Variants in PHIP observed in about 807,000 individuals in gnomAD.
PHIP encodes PHIP subunit of CUL4-Ring ligase complex.
In PHIP, 54 loss-of-function variants were observed where a neutral mutation model predicts 236.8. That is an observed-to-expected ratio of 0.23 (90% CI 0.18 to 0.29). The LOEUF is 0.29. Ranked by LOEUF, PHIP falls within the 10% of genes least tolerant of loss-of-function variation. The probability of loss-of-function intolerance (pLI) is 1.00; values close to 1 mark genes in which losing one functional copy is unlikely to be tolerated. For missense variants in PHIP, 1,370 were observed against 2,190.8 expected (o/e 0.63, Z 7.48); for synonymous variants, 756 against 718.9 (o/e 1.05, Z -0.83).
intron 6 of PHIP, among the ~76,000 whole-genome samples, chr6:79,054,338 A>G (rs1459782185): frequency 8.0e-6 from 1 of 125,464 alleles, no homozygotes; most frequent in Non-Finnish European, 1.8e-5. Flanking sequence ...AACAATCATT[A>G]AACCAAAAAA....
intron 7 of PHIP, among the ~76,000 whole-genome samples, chr6:79,036,731 C>T (rs753052216): frequency 6.6e-6 from 1 of 151,848 alleles, no homozygotes; most frequent in Non-Finnish European, 1.5e-5. Context: ...ACCATCCTGG[C>T]TAACATGGTG....
rs375548485 is a variant in PHIP, at chr6:79,056,477, A to G, written c.439+4001T>C. Among the ~76,000 whole-genome samples the G allele has an allele frequency of 3.9e-5, 6 of 152,260 alleles. No individual in the cohort carries two copies. The East Asian group carries it at 1.2e-3, about 29-fold the overall frequency. On this transcript the variant is annotated intron_variant, in intron 6 of 39. Coordinates refer to ENST00000275034, the MANE Select transcript of PHIP (RefSeq NM_017934.7). Reference sequence around the variant, plus strand: ...TCATTCAGTCACTCTCAATGGGGGAAAGGAGGAGGCATGACATGGTAATAT... The same window carrying G: ...TCATTCAGTCACTCTCAATGGGGGAGAGGAGGAGGCATGACATGGTAATAT...
Position 78,958,575 on chromosome 6 carries a change from C to T in PHIP, c.3682G>A (p.Val1228Ile). ...CGTGTATTATGCTCTATATATCGAA[C>T]TTCCCACATTAGGGAAGAAACCCGC... ...YRRVSSLMWE[V>I]RYIEHNTRTF... The change falls in exon 32 of 40, where the codon GTT becomes ATT. Residue 1228 changes from valine to isoleucine, a missense_variant. Physicochemically the swap from Val to Ile is conservative, Grantham distance 29 (BLOSUM62 3). Coordinates refer to ENST00000275034, the MANE Select transcript of PHIP (RefSeq NM_017934.7). The T allele has an allele frequency of 6.3e-7, 1 of 1,581,358 alleles. No homozygotes were observed. Among genetic ancestry groups the T allele is most frequent in the Non-Finnish European group, 8.7e-7 (1 of 1,153,136 alleles).
chr6:78,997,591 A>C lies in PHIP; in HGVS notation c.2024T>G (p.Ile675Arg). The stretch of plus-strand genomic sequence containing the variant: ...TGAATGAACCTCTGAGGTAGAACTT[A>C]TGGAGCCTAAGTGAAAAAGTTACTA... The part of the protein sequence containing the change: ...SNTSRLSRGS[I>R]SSTSEVHSPP... Residue 675 changes from isoleucine to arginine, a missense_variant, in exon 19 of 40, where the codon ATA becomes AGA. Physicochemically the swap from Ile to Arg is moderately conservative, Grantham distance 97. Coordinates refer to ENST00000275034, the MANE Select transcript of PHIP (RefSeq NM_017934.7). 6.2e-7 allele frequency: 1 copy of C among 1,612,134 alleles called. No individual in the cohort carries two copies. The highest frequency in any genetic ancestry group is 1.3e-5 in the African/African-American group (1 of 74,954).
intron 9 of PHIP, among the ~76,000 whole-genome samples, chr6:79,022,479 T>C (rs902336705): frequency 6.6e-6 from 1 of 152,210 alleles, no homozygotes; most frequent in Non-Finnish European, 1.5e-5. Flanking sequence ...TAACCTGCTG[T>C]GCCCCAGGTT....
At chr6:79,043,712 T>C (rs183429363) in intron 6 of PHIP, among the ~76,000 whole-genome samples, 1 of 149,454 alleles carries the variant, frequency 6.7e-6, no homozygotes, top group Non-Finnish European at 1.5e-5. Context: ...TCCATCTAAA[T>C]TACTACTGTA....
Position 78,947,734 on chromosome 6 carries a change from G to C in PHIP, c.4095C>G (p.Thr1365=). Residue 1365 remains threonine, a synonymous_variant, in exon 36 of 40, where the codon ACC becomes ACG. Transcript: ENST00000275034. The stretch of plus-strand genomic sequence containing the variant: ...TCCCAGCCTCTAAAGTTTCTCTAAC[G>C]GTAGCAAAATCCATTGGAGTGTCAA... The part of the protein sequence containing the change: ...DIIDTPMDFA[T]VRETLEAGNY... 1 of 1,606,448 alleles carries C rather than the reference G, an allele frequency of 6.2e-7. No individual in the cohort carries two copies. Among genetic ancestry groups the C allele is most frequent in the Non-Finnish European group, 8.5e-7 (1 of 1,173,324 alleles).
rs989201895 is a variant in PHIP, at chr6:79,078,212, C to CGGAGGA, written c.-150_-145dup. On this transcript the variant is annotated 5_prime_UTR_variant, in exon 1 of 40. Coordinates refer to ENST00000275034, the MANE Select transcript of PHIP (RefSeq NM_017934.7). ...ACCATTCAAGCAACGGCGGCGGAGG[C>CGGAGGA]GGAGGAGGAGGAGGAGGAAACAACA... 4.8e-5 allele frequency: 35 copies of CGGAGGA among 728,322 alleles called. No homozygotes were observed. Among genetic ancestry groups the CGGAGGA allele is most frequent in the Middle Eastern group, 4.0e-4 (1 of 2,530 alleles). The allele number at this position is 728,322 out of a possible 1,614,324, so 45.1% of individuals were successfully genotyped here.
chr6:78,950,930 C>G lies in PHIP; in HGVS notation c.4054-3155G>C, dbSNP rs75150311. ...CTCTAGGTTCTTGAGGAGTGAGCTT[C>G]GATTATTGATTTGAAACTTCTCCTT... On this transcript the variant is annotated intron_variant, in intron 35 of 39. Coordinates refer to ENST00000275034, the MANE Select transcript of PHIP (RefSeq NM_017934.7). Among the ~76,000 whole-genome samples the G allele has an allele frequency of 2.5e-3, 383 of 152,048 alleles. 8 individuals are homozygous for G. In the East Asian group the frequency reaches 0.064, roughly 25 times the overall value.
At chr6:79,075,007 T>A (rs1053776469) in intron 4 of PHIP, among the ~76,000 whole-genome samples, 7 of 152,040 alleles carry the variant, frequency 4.6e-5, no homozygotes, top group Non-Finnish European at 8.8e-5. Flanking sequence ...CCAGGTAGAG[T>A]AGAAACTAAT....
chr6:78,935,497 G>C lies in PHIP; in HGVS notation c.*5196C>G, dbSNP rs1773243642. On this transcript the variant is annotated 3_prime_UTR_variant, in exon 40 of 40. Transcript: ENST00000275034. ...TTTTGAGAAAATATTTATGCAAAGTGTTCCACTGAAATGTATCTCTTACGA... is the reference window on the plus strand; with the variant it reads ...TTTTGAGAAAATATTTATGCAAAGTCTTCCACTGAAATGTATCTCTTACGA... 1 of 978,706 alleles carries C rather than the reference G, an allele frequency of 1.0e-6. No homozygotes were observed. Among genetic ancestry groups the C allele is most frequent in the South Asian group, 4.7e-5 (1 of 21,126 alleles). 60.6% of individuals were successfully genotyped at this position (978,706 alleles called of 1,614,324 possible).
intron 6 of PHIP, among the ~76,000 whole-genome samples, chr6:79,043,344 T>A (rs1014784153): frequency 1.3e-5 from 2 of 152,058 alleles, no homozygotes; most frequent in African/African-American, 4.8e-5. Flanking sequence ...ATATGTTATT[T>A]CCTTAAAAGC....
intron 4 of PHIP, among the ~76,000 whole-genome samples, chr6:79,062,940 T>C (rs1414142311): frequency 6.6e-6 from 1 of 152,224 alleles, no homozygotes; most frequent in Non-Finnish European, 1.5e-5. Flanking sequence ...TTGGACACTT[T>C]GTGTTCCCAC....
rs1773891307 is a variant in PHIP at position 78,947,486 on chromosome 6, C to A, written c.4206+137G>T. On this transcript the variant is annotated intron_variant, in intron 36 of 39. Coordinates refer to ENST00000275034, the MANE Select transcript of PHIP (RefSeq NM_017934.7). ...GGAGCTGAGTAGAAAGGTATAATTT[C>A]TTTTTCCAGTAGGACAACATTAAGA... 9.3e-6 allele frequency: 5 copies of A among 539,434 alleles called. No homozygotes were observed. In the South Asian group the frequency reaches 1.1e-4, roughly 12 times the overall value. The allele number at this position is 539,434 out of a possible 1,614,324, so 33.4% of individuals were successfully genotyped here.
intron 24 of PHIP, among the ~76,000 whole-genome samples, chr6:78,977,671 C>G (rs1768204844): frequency 6.6e-6 from 1 of 152,030 alleles, no homozygotes. Context: ...CTTTTCTGGC[C>G]ATGTTGAAAT....
At chr6:79,012,349 T>C (rs1770626626) in intron 15 of PHIP, among the ~76,000 whole-genome samples, 1 of 151,788 alleles carries the variant, frequency 6.6e-6, no homozygotes, top group African/African-American at 2.4e-5. Flanking sequence ...TAGCTGTAGG[T>C]GGAATGGTGA....
chr6:79,075,415 T>C (rs757547259), intron 4 of PHIP, among the ~76,000 whole-genome samples: 2 of 152,144 alleles, frequency 1.3e-5, no homozygotes, highest in African/African-American at 4.8e-5. Flanking sequence ...ATGCCAACGT[T>C]CCTGTTCTAG....
chr6:78,946,989 T>C (rs950456274), intron 36 of PHIP, 115 bp from the exon 37 acceptor site: 1 of 570,926 alleles, frequency 1.8e-6, no homozygotes, highest in Admixed American at 4.0e-5. Flanking sequence ...TTAATTATTG[T>C]TTTTTACATC....
chr6:78,938,323 GTAAA>G lies in PHIP; in HGVS notation c.*2366_*2369del, dbSNP rs1195332796. The G allele has an allele frequency of 4.0e-5, 6 of 151,542 alleles. No individual in the cohort carries two copies. Among genetic ancestry groups the G allele is most frequent in the African/African-American group, 1.5e-4 (6 of 41,378 alleles). 9.4% of individuals were successfully genotyped at this position (151,542 alleles called of 1,614,324 possible). On this transcript the variant is annotated 3_prime_UTR_variant, in exon 40 of 40. Transcript: ENST00000275034. The stretch of plus-strand genomic sequence containing the variant: ...ACATTTACATGTTATAGGAAAGATG[GTAAA>G]TACTCATTTCTTTGCTTGAGTTGGA...
Sources: allele counts gnomAD v4.1 joint callset (sites outside exome capture counted in the v4.1 genomes callset), GRCh38; gene constraint gnomAD v4.1.1; transcripts MANE v1.5; gene names NCBI Gene and HGNC (gene_info 2026-07-23, HGNC 2026-07-21).